The following VAV2 variants were observed in gnomAD, a reference collection of about 807,000 sequenced individuals.
VAV2 encodes the protein guanine nucleotide exchange factor VAV2.
VAV2 carries 67 observed loss-of-function variants against 132.5 expected under a neutral mutation model. The observed-to-expected ratio is 0.51, with a 90% CI of 0.42 to 0.62. The LOEUF is 0.62. VAV2 is among the 20% of genes least tolerant of loss of function. The probability of loss-of-function intolerance (pLI) is 0.00; values close to 1 mark genes in which losing one functional copy is unlikely to be tolerated. For synonymous variants in VAV2, 492 were observed against 443.5 expected (o/e 1.11, Z -1.37); for missense variants, 938 against 1,153.6 (o/e 0.81, Z 2.71).
At chr9:133,789,521 C>T (rs897658099) in intron 13 of VAV2, among the ~76,000 whole-genome samples, 178 bp from the exon 14 acceptor site, 18 of 152,308 alleles carry the variant, frequency 1.2e-4, no homozygotes, top group African/African-American at 4.3e-4. Context: ...AGGGAGGGTG[C>T]AGAAGACCGG....
intron 2 of VAV2, among the ~76,000 whole-genome samples, chr9:133,917,194 C>T (rs910196631): frequency 6.6e-6 from 1 of 152,172 alleles, no homozygotes; most frequent in Non-Finnish European, 1.5e-5. Context: ...CTGAGGGGCC[C>T]TATCCCCGTC....
At chr9:133,954,053 T>C (rs1361220306) in intron 1 of VAV2, among the ~76,000 whole-genome samples, 2 of 152,166 alleles carry the variant, frequency 1.3e-5, no homozygotes, top group Non-Finnish European at 2.9e-5. Flanking sequence ...ATACACGCCA[T>C]GGGATGTAAA....
chr9:133,903,618 T>G (rs1489629609), intron 2 of VAV2, among the ~76,000 whole-genome samples: 1 of 152,188 alleles, frequency 6.6e-6, no homozygotes, highest in Non-Finnish European at 1.5e-5. Flanking sequence ...CAGCCTCGGG[T>G]CCGGTGGCTC....
intron 2 of VAV2, among the ~76,000 whole-genome samples, chr9:133,908,989 G>T (rs117676212): frequency 1.3e-5 from 2 of 152,248 alleles, no homozygotes; most frequent in African/African-American, 4.8e-5. Flanking sequence ...AGGGACCCAC[G>T]AGGAATGATT....
chr9:133,838,021 G>A (rs1330244892), intron 3 of VAV2, among the ~76,000 whole-genome samples: 3 of 152,188 alleles, frequency 2.0e-5, no homozygotes, highest in African/African-American at 7.2e-5. Context: ...GAGCAGGAGA[G>A]GGAGGCAGCC....
intron 9 of VAV2, 78 bp from the exon 10 acceptor site, chr9:133,797,887 T>C: frequency 7.1e-7 from 1 of 1,408,752 alleles, no homozygotes; most frequent in Non-Finnish European, 9.7e-7. Context: ...CGTCCATTTT[T>C]CCCAGCAGGC....
At chr9:133,990,119 G>C (rs995296377) in intron 1 of VAV2, among the ~76,000 whole-genome samples, 2 of 152,172 alleles carry the variant, frequency 1.3e-5, no homozygotes, top group Non-Finnish European at 2.9e-5. Context: ...GCCTACCTGG[G>C]AGGGGACAGT....
chr9:133,789,817 G>C (rs533316177), intron 13 of VAV2, among the ~76,000 whole-genome samples: 2 of 152,244 alleles, frequency 1.3e-5, no homozygotes, highest in Non-Finnish European at 2.9e-5. Flanking sequence ...GTTCATTTTC[G>C]TTGTCTGTCT....
chr9:133,948,286 C>A (rs1178185818), intron 1 of VAV2, among the ~76,000 whole-genome samples: 2 of 152,246 alleles, frequency 1.3e-5, no homozygotes, highest in East Asian at 1.9e-4. Flanking sequence ...CCGCACGCAC[C>A]AGGACCAAGG....
chr9:133,938,626 T>C (rs1292209058), intron 2 of VAV2, among the ~76,000 whole-genome samples: 1 of 152,136 alleles, frequency 6.6e-6, no homozygotes, highest in Admixed American at 6.5e-5. Context: ...GAGACAGTTC[T>C]GCTTGTCCCG....
At chr9:133,909,663 A>G (rs1327807873) in intron 2 of VAV2, among the ~76,000 whole-genome samples, 1 of 143,276 alleles carries the variant, frequency 7.0e-6, no homozygotes, top group African/African-American at 2.6e-5. Context: ...AGATGGTCCG[A>G]CTGGGCAAAG....
rs1233976967 is a variant in VAV2, at chr9:133,883,696, G to T, written c.322-22264C>A. Among the ~76,000 whole-genome samples, 1 of 152,212 alleles carries T rather than the reference G, an allele frequency of 6.6e-6. No homozygotes were observed. Among genetic ancestry groups the T allele is most frequent in the African/African-American group, 2.4e-5 (1 of 41,446 alleles). On this transcript the variant is annotated intron_variant, in intron 2 of 29. Coordinates refer to ENST00000371850, the MANE Select transcript of VAV2 (RefSeq NM_001134398.2). The surrounding 1 kb of genome is among the most constrained non-coding windows in gnomAD (Gnocchi z 4.2). ...GGTCACCTGTGCAATGCCACCAGCA[G>T]CTTCTTGCATGCTTCCCATGACAGG...
At chr9:133,881,249 C>A (rs1052911759) in intron 2 of VAV2, among the ~76,000 whole-genome samples, 5 of 152,284 alleles carry the variant, frequency 3.3e-5, no homozygotes, top group Non-Finnish European at 7.3e-5. Flanking sequence ...AGAGATGCGG[C>A]CTTCCCGCAG....
intron 2 of VAV2, among the ~76,000 whole-genome samples, chr9:133,915,600 T>C: frequency 7.3e-6 from 1 of 137,796 alleles, no homozygotes; most frequent in South Asian, 2.4e-4. Flanking sequence ...ACACACACAC[T>C]CCCACACAAT....
At chr9:133,989,468 C>T (rs1198687700) in intron 1 of VAV2, among the ~76,000 whole-genome samples, 1 of 146,536 alleles carries the variant, frequency 6.8e-6, no homozygotes, top group East Asian at 2.0e-4. Context: ...TGCAGTGAGC[C>T]GGGACCGTGC....
chr9:133,803,338 C>A (rs1027905140), intron 9 of VAV2, among the ~76,000 whole-genome samples: 1 of 152,196 alleles, frequency 6.6e-6, no homozygotes, highest in Non-Finnish European at 1.5e-5. Flanking sequence ...GCTGCCAGCT[C>A]CCCGAGGTCG....
chr9:133,937,466 T>C (rs1278911497), intron 2 of VAV2, among the ~76,000 whole-genome samples: 1 of 149,796 alleles, frequency 6.7e-6, no homozygotes, highest in South Asian at 2.1e-4. Flanking sequence ...TGAGTGTGAG[T>C]GTGAACATGT....
chr9:133,797,936 C>A, intron 9 of VAV2, 127 bp from the exon 10 acceptor site: 1 of 752,644 alleles, frequency 1.3e-6, no homozygotes, highest in Non-Finnish European at 2.1e-6. Flanking sequence ...CCTGACAGCT[C>A]CCTGCACGTG....
intron 4 of VAV2, among the ~76,000 whole-genome samples, chr9:133,819,607 A>G (rs560817198): frequency 1.3e-5 from 2 of 152,230 alleles, no homozygotes; most frequent in East Asian, 3.9e-4. Flanking sequence ...GGGGGGGCGG[A>G]ATCTGGGGTC....
Sources: gnomAD v4.1 joint callset for allele counts (sites outside exome capture counted in the v4.1 genomes callset) on GRCh38, gnomAD v4.1.1 for gene constraint, Gnocchi (gnomAD v3.1) non-coding constraint, MANE v1.5 for transcripts, NCBI Gene and HGNC (gene_info 2026-07-23, HGNC 2026-07-21) for gene names.